REEP5: variants seen among roughly 807,000 people sequenced by gnomAD.
The protein encoded by REEP5 is receptor expression-enhancing protein 5.
In REEP5, 24 loss-of-function variants were observed where a neutral mutation model predicts 22.4. The ratio of observed to expected loss-of-function variants is 1.07; its 90% CI spans 0.78 to 1.51. REEP5 has a LOEUF of 1.51. Ranked by LOEUF, REEP5 falls within the 40% of genes most tolerant of loss-of-function variation. The pLI is 0.00. For synonymous variants in REEP5, 103 were observed against 88.6 expected (o/e 1.16, Z -0.92); for missense variants, 252 against 233.0 (o/e 1.08, Z -0.53).
intron 4 of REEP5, chr5:112,885,383 G>T (rs966385650): frequency 1.1e-5 from 2 of 182,902 alleles, no homozygotes; most frequent in South Asian, 2.0e-4. Context: ...AAAATGCATG[G>T]ACTCGTAGTT....
intron 3 of REEP5, among the ~76,000 whole-genome samples, chr5:112,899,438 A>G (rs962557533): frequency 2.0e-5 from 3 of 152,028 alleles, no homozygotes; most frequent in African/African-American, 7.2e-5. Context: ...AGCTAGCACA[A>G]CTGTCCTGTA....
At chr5:112,900,244 G>C (rs1768811801) in intron 3 of REEP5, among the ~76,000 whole-genome samples, 1 of 151,826 alleles carries the variant, frequency 6.6e-6, no homozygotes, top group Non-Finnish European at 1.5e-5. Flanking sequence ...TCCTTATTTG[G>C]TGTAAATGTT....
intron 2 of REEP5, among the ~76,000 whole-genome samples, chr5:112,907,182 C>T (rs6864403): frequency 0.052 from 7,974 of 152,198 alleles, 524 homozygotes; most frequent in East Asian, 0.16. Context: ...TGGAATGACC[C>T]CATGGCAACA....
chr5:112,880,088 G>A (rs543469338), intron 4 of REEP5, among the ~76,000 whole-genome samples: 1 of 152,098 alleles, frequency 6.6e-6, no homozygotes, highest in African/African-American at 2.4e-5. Context: ...CTAAGTCTTT[G>A]AGTTGGTGAC....
chr5:112,915,733 T>C (rs173466), intron 2 of REEP5, among the ~76,000 whole-genome samples: 56,011 of 152,158 alleles, frequency 0.37, 10,579 homozygotes, highest in African/African-American at 0.43. Context: ...AGCGCAGGCA[T>C]GCATTGCTCT....
chr5:112,887,489 T>G (rs976034242), intron 3 of REEP5, among the ~76,000 whole-genome samples: 3 of 152,176 alleles, frequency 2.0e-5, no homozygotes, highest in Non-Finnish European at 4.4e-5. Context: ...CTTTTATTAA[T>G]CATAACTCTT....
intron 2 of REEP5, among the ~76,000 whole-genome samples, chr5:112,904,387 T>C (rs1768909994): frequency 7.0e-6 from 1 of 142,784 alleles, no homozygotes; most frequent in Admixed American, 6.7e-5. Flanking sequence ...TGGATTTATT[T>C]AATTATTAGT....
At chr5:112,899,096 C>T (rs370811175) in intron 3 of REEP5, among the ~76,000 whole-genome samples, 3 of 151,542 alleles carry the variant, frequency 2.0e-5, no homozygotes, top group African/African-American at 2.4e-5. Flanking sequence ...TTTTCTTTTT[C>T]GAGACAGGGT....
Position 112,911,483 on chromosome 5 carries a change from A to C in REEP5, c.213-8965T>G, listed in dbSNP as rs79684618. ...TTACAGCTAATGCTTACTTGGAGGG[A>C]GACAGGAAAGGGACAACCTTCCATA... is the stretch of plus-strand genomic sequence containing the variant. On this transcript the variant is annotated intron_variant, in intron 2 of 4. Transcript: ENST00000379638. 9.2e-4 allele frequency among the ~76,000 whole-genome samples: 140 copies of C among 152,330 alleles called. 6 individuals are homozygous for C. In the East Asian group the frequency reaches 0.025, roughly 27 times the overall value.
chr5:112,921,815 C>T, intron 1 of REEP5: 2 of 365,310 alleles, frequency 5.5e-6, no homozygotes, highest in Non-Finnish European at 9.9e-6. Context: ...AGACATACGT[C>T]AGCGCTGGCC....
chr5:112,878,036 T>TATCA lies in REEP5; in HGVS notation c.*746_*749dup, dbSNP rs1224719068. ...GTGTGTGTGTGTAAATTTCCCGATT[T>TATCA]ATCACTAGAGTGAGTAACTAACTAA... On this transcript the variant is annotated 3_prime_UTR_variant, in exon 5 of 5. Coordinates refer to ENST00000379638, the MANE Select transcript of REEP5 (RefSeq NM_005669.5). 1 of 124,394 alleles carries TATCA rather than the reference T, an allele frequency of 8.0e-6. No individual in the cohort carries two copies. Among genetic ancestry groups the TATCA allele is most frequent in the African/African-American group, 2.7e-5 (1 of 37,670 alleles). The allele number at this position is 124,394 out of a possible 1,614,324, so 7.7% of individuals were successfully genotyped here. A position where few individuals can be genotyped will look rare whatever the true frequency, so the allele number is the denominator to read the frequency against.
chr5:112,907,212 C>G (rs1768975564), intron 2 of REEP5, among the ~76,000 whole-genome samples: 1 of 152,200 alleles, frequency 6.6e-6, no homozygotes, highest in Non-Finnish European at 1.5e-5. Context: ...TCCTACCACT[C>G]TCTCCACAGG....
intron 2 of REEP5, among the ~76,000 whole-genome samples, chr5:112,903,537 A>C (rs1768892132): frequency 6.6e-6 from 1 of 152,112 alleles, no homozygotes; most frequent in Non-Finnish European, 1.5e-5. Flanking sequence ...CTAAAAACTT[A>C]TCCATGTAAC....
chr5:112,890,989 T>C (rs1460517536), intron 3 of REEP5, among the ~76,000 whole-genome samples: 1 of 150,838 alleles, frequency 6.6e-6, no homozygotes, highest in Admixed American at 6.6e-5. Context: ...ACAACATCTA[T>C]GAAACATTAC....
At position 112,877,521 on chromosome 5, in the gene REEP5, G is replaced by C. The variant is rs1014331514; in HGVS notation, c.*1265C>G. On this transcript the variant is annotated 3_prime_UTR_variant, in exon 5 of 5. Transcript: ENST00000379638. Reference sequence around the variant, plus strand: ...TGTACTTACTATGTAGTCATGTGCAGCTTATCAACACAAAGAATACGGATG... The same window carrying C: ...TGTACTTACTATGTAGTCATGTGCACCTTATCAACACAAAGAATACGGATG... The C allele has an allele frequency of 2.0e-5, 3 of 152,164 alleles. No homozygotes were observed. Among genetic ancestry groups the C allele is most frequent in the Admixed American group, 2.0e-4 (3 of 15,262 alleles). The allele number at this position is 152,164 out of a possible 1,614,324, so 9.4% of individuals were successfully genotyped here.
intron 2 of REEP5, among the ~76,000 whole-genome samples, chr5:112,912,414 A>G (rs1337037490): frequency 1.3e-5 from 2 of 152,172 alleles, no homozygotes; most frequent in Non-Finnish European, 2.9e-5. Flanking sequence ...GACAGTGTGG[A>G]AAAAAAAGCA....
chr5:112,921,510 G>A (rs1769365480), intron 1 of REEP5: 1 of 541,092 alleles, frequency 1.8e-6, no homozygotes, highest in Admixed American at 3.2e-5. Context: ...GCTTTGCGCA[G>A]CAACCCCCGG....
At chr5:112,916,857 A>C (rs1427547803) in intron 2 of REEP5, among the ~76,000 whole-genome samples, 1 of 152,236 alleles carries the variant, frequency 6.6e-6, no homozygotes, top group Non-Finnish European at 1.5e-5. Context: ...AAATGGGAAT[A>C]ATCATAGCAC....
Position 112,901,039 on chromosome 5 carries a change from G to A in REEP5, c.351+1341C>T, listed in dbSNP as rs557231678. Among the ~76,000 whole-genome samples, 4 of 151,930 alleles carry A rather than the reference G, an allele frequency of 2.6e-5. No individual in the cohort carries two copies. The East Asian group carries it at 7.8e-4, about 29-fold the overall frequency. ...ATTTTAGTAGAGACAGGGTTTCACC[G>A]TGTTGCCCAGGCTGGTCTCGAACTC... On this transcript the variant is annotated intron_variant, in intron 3 of 4. Coordinates refer to ENST00000379638, the MANE Select transcript of REEP5 (RefSeq NM_005669.5).
Sources: allele counts gnomAD v4.1 joint callset (sites outside exome capture counted in the v4.1 genomes callset), GRCh38; gene constraint gnomAD v4.1.1; transcripts MANE v1.5; gene names NCBI Gene and HGNC (gene_info 2026-07-23, HGNC 2026-07-21).